TUBB4B: variants seen among roughly 807,000 people sequenced by gnomAD.
TUBB4B encodes the protein tubulin beta-4B chain.
TUBB4B carries 7 observed loss-of-function variants against 34.3 expected under a neutral mutation model. The ratio of observed to expected loss-of-function variants is 0.20; its 90% CI spans 0.12 to 0.38. The LOEUF (loss-of-function observed/expected upper bound fraction) is 0.38. Ranked by LOEUF, TUBB4B falls within the 10% of genes least tolerant of loss-of-function variation. TUBB4B has a pLI of 1.00. For missense variants in TUBB4B, 178 were observed against 610.9 expected (o/e 0.29, Z 7.47); for synonymous variants, 390 against 250.2 (o/e 1.56, Z -5.27).
Position 137,241,402 on chromosome 9 carries a change from C to T in TUBB4B, c.42C>T (p.Asn14=), listed in dbSNP as rs1225800025. ...IVHLQAGQCG[N]QIGAKFWEVI... The stretch of plus-strand genomic sequence containing the variant: ...ACTTGCAGGCCGGGCAGTGCGGCAA[C>T]CAAATCGGCGCCAAGGTAAGTTGCC... The change falls in exon 1 of 4, where the codon AAC becomes AAT. Residue 14 remains asparagine, a synonymous_variant. Transcript: ENST00000340384. 1.9e-6 allele frequency: 3 copies of T among 1,595,712 alleles called. No individual in the cohort carries two copies. Among genetic ancestry groups the T allele is most frequent in the South Asian group, 1.1e-5 (1 of 90,186 alleles).
intron 1 of TUBB4B, 23 bp from the exon 2 acceptor site, chr9:137,241,688 CGGCCCGCCCG>C (rs760638145): frequency 1.6e-4 from 261 of 1,587,238 alleles, no homozygotes; most frequent in Non-Finnish European, 2.2e-4. Flanking sequence ...GACTCAGCCC[CGGCCCGCCCG>C]GGCCCGCCCG....
At position 137,241,428 on chromosome 9, in the gene TUBB4B, G is replaced by C. The variant is rs1836737350; in HGVS notation, c.57+11G>C. On this transcript the variant is annotated intron_variant, in intron 1 of 3. Coordinates refer to ENST00000340384, the MANE Select transcript of TUBB4B (RefSeq NM_006088.6). ...CAAATCGGCGCCAAGGTAAGTTGCC[G>C]GGGCGCTGGGGCCAGGCGGGCCTGC... The C allele has an allele frequency of 6.3e-7, 1 of 1,579,912 alleles. No individual in the cohort carries two copies. Among genetic ancestry groups the C allele is most frequent in the South Asian group, 1.1e-5 (1 of 88,940 alleles).
chr9:137,242,407 C>T (rs1308763886), intron 3 of TUBB4B, 89 bp from the exon 4 acceptor site: 8 of 1,479,710 alleles, frequency 5.4e-6, no homozygotes, highest in Non-Finnish European at 6.5e-6. Flanking sequence ...GTGGTCAGCT[C>T]ACACCATGTC....
In TUBB4B at chr9:137,241,307, T is replaced by G. The variant is rs996805731; in HGVS notation, c.-54T>G. 3 of 1,572,000 alleles carry G rather than the reference T, an allele frequency of 1.9e-6. No homozygotes were observed. Among genetic ancestry groups the G allele is most frequent in the South Asian group, 1.1e-5 (1 of 88,764 alleles). Reference sequence around the variant, plus strand: ...GTTGTAGCACTCTGCGCGCCCGCTCTTCTGCTGCTGTTTGTCTACTTCCTC... The same window carrying G: ...GTTGTAGCACTCTGCGCGCCCGCTCGTCTGCTGCTGTTTGTCTACTTCCTC... On this transcript the variant is annotated 5_prime_UTR_variant, in exon 1 of 4. Coordinates refer to ENST00000340384, the MANE Select transcript of TUBB4B (RefSeq NM_006088.6).
rs1836799340 is a variant in TUBB4B at position 137,243,412 on chromosome 9, C to T, written c.1194C>T (p.Tyr398=). Residue 398 remains tyrosine, a synonymous_variant, in exon 4 of 4, where the codon TAC becomes TAT. Transcript: ENST00000340384. ...MFRRKAFLHW[Y]TGEGMDEMEF... ...GGCGCAAGGCCTTCCTGCACTGGTACACGGGCGAGGGCATGGACGAGATGG... is the reference window on the plus strand; with the variant it reads ...GGCGCAAGGCCTTCCTGCACTGGTATACGGGCGAGGGCATGGACGAGATGG... 2.5e-6 allele frequency: 4 copies of T among 1,613,608 alleles called. No individual in the cohort carries two copies. Among genetic ancestry groups the T allele is most frequent in the Non-Finnish European group, 3.4e-6 (4 of 1,180,042 alleles).
intron 3 of TUBB4B, 22 bp downstream of exon 3, chr9:137,242,043 G>T (rs549338522): frequency 1.2e-6 from 2 of 1,607,184 alleles, no homozygotes; most frequent in East Asian, 4.5e-5. Context: ...CTGGGGACTG[G>T]GCGGCGGCTC....
At chr9:137,241,628 C>G (rs1366884782) in intron 1 of TUBB4B, 93 bp from the exon 2 acceptor site, 2 of 859,630 alleles carry the variant, frequency 2.3e-6, no homozygotes, top group Non-Finnish European at 2.9e-6. Context: ...GAGGGCCGGG[C>G]TGCCGCGCCC....
intron 3 of TUBB4B, 55 bp from the exon 4 acceptor site, chr9:137,242,441 T>C (rs1441310217): frequency 7.6e-6 from 12 of 1,576,284 alleles, no homozygotes; most frequent in Non-Finnish European, 1.0e-5. Flanking sequence ...CGCATGGCGG[T>C]GACCAGTAGT....
rs1836796657 is a variant in TUBB4B at position 137,243,299 on chromosome 9, C to T, written c.1081C>T (p.Leu361=). 1 of 1,613,644 alleles carries T rather than the reference C, an allele frequency of 6.2e-7. No homozygotes were observed. The highest frequency in any genetic ancestry group is 8.5e-7 in the Non-Finnish European group (1 of 1,180,032). The change falls in exon 4 of 4, where the codon CTA becomes TTA. Residue 361 remains leucine, a synonymous_variant. Coordinates refer to ENST00000340384, the MANE Select transcript of TUBB4B (RefSeq NM_006088.6). ...TGTCTGTGACATCCCACCTCGGGGG[C>T]TAAAAATGTCCGCCACCTTCATTGG... ...TAVCDIPPRG[L]KMSATFIGNS...
Position 137,242,860 on chromosome 9 carries a change from C to T in TUBB4B, c.642C>T (p.Thr214=), listed in dbSNP as rs750735349. The change falls in exon 4 of 4, where the codon ACC becomes ACT. Residue 214 remains threonine, a synonymous_variant. Coordinates refer to ENST00000340384, the MANE Select transcript of TUBB4B (RefSeq NM_006088.6). The part of the protein sequence containing the change: ...NEALYDICFR[T]LKLTTPTYGD... ...CTCTCTACGACATTTGCTTCAGAAC[C>T]CTAAAGCTGACCACGCCCACCTATG... 46 of 1,613,524 alleles carry T rather than the reference C, an allele frequency of 2.9e-5. No homozygotes were observed. In the East Asian group the frequency reaches 4.2e-4, roughly 15 times the overall value.
Position 137,241,827 on chromosome 9 carries a change from C to G in TUBB4B, c.164C>G (p.Thr55Ser), listed in dbSNP as rs1836752084. 2 of 1,612,238 alleles carry G rather than the reference C, an allele frequency of 1.2e-6. No homozygotes were observed. Among genetic ancestry groups the G allele is most frequent in the East Asian group, 2.2e-5 (1 of 44,866 alleles). Residue 55 changes from threonine to serine, a missense_variant and splice_region_variant, in exon 2 of 4, where the codon ACC becomes AGC. Thr to Ser is a moderately conservative substitution (Grantham distance 58). Coordinates refer to ENST00000340384, the MANE Select transcript of TUBB4B (RefSeq NM_006088.6). ...ERINVYYNEA[T>S]GGKYVPRAVL... is the part of the protein sequence containing the mutation. ...ATCAACGTGTACTACAATGAGGCCA[C>G]CGGTGAGGCCCCGGCCCCTTCCCCG... is the stretch of plus-strand genomic sequence containing the variant.
At position 137,242,444 on chromosome 9, in the gene TUBB4B, C is replaced by T. The variant is rs111617865; in HGVS notation, c.278-52C>T. On this transcript the variant is annotated intron_variant, in intron 3 of 3. Coordinates refer to ENST00000340384, the MANE Select transcript of TUBB4B (RefSeq NM_006088.6). ...CTCGGCTTTTTTCGCATGGCGGTGA[C>T]CAGTAGTGCTGTCTACCTGGCTGAC... 198 of 1,583,146 alleles carry T rather than the reference C, an allele frequency of 1.3e-4. 1 individual carries two copies. The African/African-American group carries it at 1.4e-3, about 11-fold the overall frequency.
chr9:137,242,594 A>G lies in TUBB4B; in HGVS notation c.376A>G (p.Ser126Gly). The change falls in exon 4 of 4, where the codon AGC (serine) becomes GGC (glycine). Residue 126 changes from serine (S) to glycine (G), a missense_variant. Coordinates refer to ENST00000340384, the MANE Select transcript of TUBB4B (RefSeq NM_006088.6). ...VLDVVRKEAESCDCLQGFQLT... is the reference protein window; with the variant it reads ...VLDVVRKEAEGCDCLQGFQLT... ...GGATGTTGTGAGAAAGGAGGCTGAG[A>G]GCTGTGACTGCCTGCAGGGTTTCCA... 6.2e-7 allele frequency: 1 copy of G among 1,613,756 alleles called. No homozygotes were observed. Among genetic ancestry groups the G allele is most frequent in the Non-Finnish European group, 8.5e-7 (1 of 1,179,996 alleles).
rs2071355 is a variant in TUBB4B, at chr9:137,242,377, C to G, written c.278-119C>G. The G allele has an allele frequency of 0.11, 140,336 of 1,264,868 alleles. 8,550 individuals are homozygous for G. Among genetic ancestry groups the G allele is most frequent in the Middle Eastern group, 0.17 (807 of 4,712 alleles). 78.4% of individuals were successfully genotyped at this position (1,264,868 alleles called of 1,614,324 possible). On this transcript the variant is annotated intron_variant, in intron 3 of 3. Coordinates refer to ENST00000340384, the MANE Select transcript of TUBB4B (RefSeq NM_006088.6). ...TTTGGCTTTGAAGGGTCCGTTTGCT[C>G]TACCTCCAGGGTGAATTCTGTGGTC...
In TUBB4B at chr9:137,242,821, C is replaced by T. The variant is rs1588859118; in HGVS notation, c.603C>T (p.Cys201=). The change falls in exon 4 of 4, where the codon TGC becomes TGT. Residue 201 remains cysteine, a synonymous_variant. Transcript: ENST00000340384. ...TAGAAAACACAGACGAGACCTACTG[C>T]ATTGATAACGAAGCTCTCTACGACA... ...QLVENTDETY[C]IDNEALYDIC... 6.2e-7 allele frequency: 1 copy of T among 1,613,864 alleles called. No individual in the cohort carries two copies. The highest frequency in any genetic ancestry group is 1.1e-5 in the South Asian group (1 of 91,088).
intron 1 of TUBB4B, 75 bp from the exon 2 acceptor site, chr9:137,241,646 G>T (rs1248118326): frequency 9.1e-7 from 1 of 1,096,468 alleles, no homozygotes; most frequent in Admixed American, 4.5e-5. Flanking sequence ...CCCGTCCGGG[G>T]CGGGGCTGCC....
chr9:137,242,457 C>G (rs749417242), intron 3 of TUBB4B, 39 bp from the exon 4 acceptor site: 1 of 1,595,740 alleles, frequency 6.3e-7, no homozygotes, highest in South Asian at 1.1e-5. Flanking sequence ...GTAGTGCTGT[C>G]TACCTGGCTG....
At chr9:137,242,367 T>TC in intron 3 of TUBB4B, 129 bp from the exon 4 acceptor site, 2 of 1,148,756 alleles carry the variant, frequency 1.7e-6, no homozygotes, top group Non-Finnish European at 2.4e-6. Flanking sequence ...CTTTGAAGGG[T>TC]CCGTTTGCTC....
In TUBB4B at chr9:137,242,797, A is replaced by T. The variant is rs773113554; in HGVS notation, c.579A>T (p.Val193=). 1 of 1,613,896 alleles carries T rather than the reference A, an allele frequency of 6.2e-7. No homozygotes were observed. Among genetic ancestry groups the T allele is most frequent in the East Asian group, 2.2e-5 (1 of 44,890 alleles). ...CCACCCTCTCAGTCCACCAGCTCGT[A>T]GAAAACACAGACGAGACCTACTGCA... ...YNATLSVHQL[V]ENTDETYCID... is the part of the protein sequence containing the mutation. Residue 193 remains valine (V), a synonymous_variant, in exon 4 of 4, where the codon GTA becomes GTT. Coordinates refer to ENST00000340384, the MANE Select transcript of TUBB4B (RefSeq NM_006088.6).
Sources: allele counts gnomAD v4.1 joint callset, GRCh38; gene constraint gnomAD v4.1.1; transcripts MANE v1.5; gene names NCBI Gene and HGNC (gene_info 2026-07-23, HGNC 2026-07-21).